CTNNA2: variants seen among roughly 807,000 people sequenced by gnomAD.
CTNNA2 encodes catenin alpha-2.
A neutral mutation model predicts 101.0 loss-of-function variants in CTNNA2; 42 were observed. The observed-to-expected ratio is 0.42, with a 90% CI of 0.32 to 0.54. The LOEUF (loss-of-function observed/expected upper bound fraction) is 0.54, where lower values mean the gene tolerates loss of function less well. CTNNA2 is among the 20% of genes least tolerant of loss of function. The pLI, the probability that CTNNA2 is intolerant of heterozygous loss-of-function variation, is 0.14. For synonymous variants in CTNNA2, 450 were observed against 456.4 expected (o/e 0.99, Z 0.18); for missense variants, 871 against 1,223.1 (o/e 0.71, Z 4.29).
chr2:79,186,712 C>G (rs189233748), intron 1 of CTNNA2, among the ~76,000 whole-genome samples: 1 of 152,152 alleles, frequency 6.6e-6, no homozygotes, highest in African/African-American at 2.4e-5. Flanking sequence ...GGAAACAGTA[C>G]GCCAGTTTCT....
chr2:80,008,533 G>A (rs1193726993), intron 7 of CTNNA2, among the ~76,000 whole-genome samples: 1 of 152,142 alleles, frequency 6.6e-6, no homozygotes, highest in African/African-American at 2.4e-5. Context: ...CTCTCCGTGA[G>A]TATTCATGCA....
rs528969130 is a variant in CTNNA2 at position 80,571,495 on chromosome 2, T to C, written c.1742-2668T>C. Among the ~76,000 whole-genome samples, 4 of 152,344 alleles carry C rather than the reference T, an allele frequency of 2.6e-5. No individual in the cohort carries two copies. In the South Asian group the frequency reaches 6.2e-4, roughly 24 times the overall value. ...AGACTAATAAAACAAATGTCTCTCC[T>C]TCCATCTCAAAGGTAACTACTATAT... On this transcript the variant is annotated intron_variant, in intron 12 of 18. Coordinates refer to ENST00000402739, the MANE Select transcript of CTNNA2 (RefSeq NM_001282597.3).
intron 7 of CTNNA2, among the ~76,000 whole-genome samples, chr2:80,386,350 T>C (rs1029350565): frequency 1.3e-5 from 2 of 152,198 alleles, no homozygotes; most frequent in African/African-American, 4.8e-5. Context: ...GCCTGTTTCT[T>C]TTCCAAGAGA....
intron 7 of CTNNA2, among the ~76,000 whole-genome samples, chr2:80,233,956 T>C (rs551687379): frequency 6.6e-6 from 1 of 152,320 alleles, no homozygotes; most frequent in South Asian, 2.1e-4. Context: ...GTAAATAAAA[T>C]ATGTGTTAGC....
chr2:79,635,329 G>C (rs551471874), intron 1 of CTNNA2, among the ~76,000 whole-genome samples: 100 of 152,018 alleles, frequency 6.6e-4, no homozygotes, highest in African/African-American at 2.0e-3. Flanking sequence ...CTACTCGGGA[G>C]GCTGAGGCAG....
intron 9 of CTNNA2, among the ~76,000 whole-genome samples, chr2:80,538,735 AAAG>A (rs1228493445): frequency 1.3e-5 from 2 of 152,170 alleles, no homozygotes; most frequent in Non-Finnish European, 2.9e-5. Flanking sequence ...CATGAAATTT[AAAG>A]TAGTTTTTTC....
At position 80,253,832 on chromosome 2, in the gene CTNNA2, T is replaced by C. The variant is rs1419316448; in HGVS notation, c.1057-139379T>C. ...CAAACAACAAGGCCATTAGCCACTT[T>C]GGGCCTCTTTCTCCTACTTTTGAAT... On this transcript the variant is annotated intron_variant, in intron 7 of 18. Transcript: ENST00000402739. Among the ~76,000 whole-genome samples, 27 of 152,184 alleles carry C rather than the reference T, an allele frequency of 1.8e-4. 3 individuals are homozygous for C. Among genetic ancestry groups the C allele is most frequent in the Admixed American group, 1.8e-3 (27 of 15,272 alleles).
At chr2:79,412,502 T>A (rs974898647) in intron 4 of CTNNA2, among the ~76,000 whole-genome samples, 3 of 149,656 alleles carry the variant, frequency 2.0e-5, no homozygotes, top group Non-Finnish European at 3.0e-5. Flanking sequence ...GAAGTAAAGC[T>A]CTCCTCAGCA....
At chr2:80,279,863 A>T (rs1013189783) in intron 7 of CTNNA2, among the ~76,000 whole-genome samples, 12 of 152,180 alleles carry the variant, frequency 7.9e-5, no homozygotes, top group East Asian at 2.0e-4. Context: ...AGGCTTTTTT[A>T]AAAAAATTTA....
chr2:79,846,467 T>C (rs1296536289), intron 3 of CTNNA2, among the ~76,000 whole-genome samples: 1 of 152,244 alleles, frequency 6.6e-6, no homozygotes, highest in Non-Finnish European at 1.5e-5. Context: ...TATTCAGTTT[T>C]ACTAATGAAA....
chr2:79,889,921 G>A (rs1020658620), intron 6 of CTNNA2, among the ~76,000 whole-genome samples: 2 of 152,192 alleles, frequency 1.3e-5, no homozygotes, highest in Non-Finnish European at 2.9e-5. Context: ...GCATAAAGCA[G>A]TCTTGAGAGG....
At chr2:79,795,625 T>C (rs185457025) in intron 3 of CTNNA2, among the ~76,000 whole-genome samples, 396 of 152,300 alleles carry the variant, frequency 2.6e-3, no homozygotes, top group African/African-American at 9.2e-3. Flanking sequence ...GACTGTATCA[T>C]GTTTTATACA....
intron 18 of CTNNA2, among the ~76,000 whole-genome samples, chr2:80,632,008 C>T (rs1271139536): frequency 6.6e-6 from 1 of 152,016 alleles, no homozygotes; most frequent in East Asian, 1.9e-4. Context: ...AAGTACTAAT[C>T]AACTTTTATT....
At chr2:80,357,491 C>T (rs1049199741) in intron 7 of CTNNA2, among the ~76,000 whole-genome samples, 14 of 151,950 alleles carry the variant, frequency 9.2e-5, no homozygotes, top group Non-Finnish European at 1.2e-4. Context: ...ATCATAGAGC[C>T]GGGCACAAAG....
intron 7 of CTNNA2, among the ~76,000 whole-genome samples, chr2:80,106,156 C>T (rs1196152606): frequency 6.6e-6 from 1 of 152,116 alleles, no homozygotes; most frequent in Non-Finnish European, 1.5e-5. Flanking sequence ...ATATAGGCAG[C>T]ACAGGCACAG....
chr2:79,441,695 T>G lies in CTNNA2; in HGVS notation c.-134-63359T>G, dbSNP rs139673554. On this transcript the variant is annotated intron_variant, in intron 4 of 21. Coordinates refer to the CTNNA2 transcript ENST00000466387. Reference sequence around the variant, plus strand: ...CTCTACACAAACAATGGAGTGGTACTTTTAAAATGTATATGAGATGCCCTT... The same window carrying G: ...CTCTACACAAACAATGGAGTGGTACGTTTAAAATGTATATGAGATGCCCTT... Among the ~76,000 whole-genome samples, 1,017 of 152,308 alleles carry G rather than the reference T, an allele frequency of 6.7e-3. 4 individuals carry two copies. Among genetic ancestry groups the G allele is most frequent in the Middle Eastern group, 0.024 (7 of 294 alleles).
At chr2:79,221,547 AATC>A (rs1674345453) in intron 2 of CTNNA2, among the ~76,000 whole-genome samples, 1 of 152,182 alleles carries the variant, frequency 6.6e-6, no homozygotes, top group Admixed American at 6.5e-5. Context: ...AAATGTTTAT[AATC>A]ATCCTCATAA....
At chr2:80,211,529 A>T (rs917035370) in intron 7 of CTNNA2, among the ~76,000 whole-genome samples, 3 of 151,988 alleles carry the variant, frequency 2.0e-5, no homozygotes, top group Non-Finnish European at 4.4e-5. Flanking sequence ...ATGGTTGTAG[A>T]TGTGTAGTAT....
chr2:79,435,212 T>C (rs192369327), intron 4 of CTNNA2, among the ~76,000 whole-genome samples: 1 of 152,290 alleles, frequency 6.6e-6, no homozygotes, highest in East Asian at 1.9e-4. Flanking sequence ...AAGGTTAAAA[T>C]ACCTGCATTA....
Sources: allele counts gnomAD v4.1 joint callset (sites outside exome capture counted in the v4.1 genomes callset), GRCh38; gene constraint gnomAD v4.1.1; transcripts MANE v1.5; gene names NCBI Gene and HGNC (gene_info 2026-07-23, HGNC 2026-07-21).